Variants in ITGAV observed in about 807,000 individuals in gnomAD.
The protein encoded by ITGAV is integrin alpha-V.
Under a neutral mutation model 143.8 loss-of-function variants are expected in ITGAV, and 76 were observed. The ratio of observed to expected loss-of-function variants is 0.53; its 90% confidence interval spans 0.44 to 0.64. The LOEUF is 0.64. ITGAV is among the 30% of genes least tolerant of loss of function. The pLI is 0.00. For synonymous variants in ITGAV, 453 were observed against 446.7 expected (o/e 1.01, Z -0.18); for missense variants, 1,193 against 1,274.7 (o/e 0.94, Z 0.98).
At chr2:186,646,240 A>G (rs979856939) in intron 12 of ITGAV, among the ~76,000 whole-genome samples, 6 of 152,284 alleles carry the variant, frequency 3.9e-5, no homozygotes, top group Non-Finnish European at 7.4e-5. Context: ...AAAAAACAAT[A>G]CCATCCATAA....
At chr2:186,671,126 G>A (rs1689049826) in intron 26 of ITGAV, among the ~76,000 whole-genome samples, 1 of 152,132 alleles carries the variant, frequency 6.6e-6, no homozygotes, top group Non-Finnish European at 1.5e-5. Context: ...ACTATTGCCA[G>A]ACCCCTGGTT....
chr2:186,633,527 T>C (rs4667107), intron 6 of ITGAV, among the ~76,000 whole-genome samples, 153 bp downstream of exon 6: 29,436 of 150,512 alleles, frequency 0.2, 3,855 homozygotes, highest in East Asian at 0.53. Flanking sequence ...CAGTGTTTTT[T>C]AAAAGAATAT....
At chr2:186,658,967 T>C in intron 17 of ITGAV, 71 bp from the exon 18 acceptor site, 1 of 1,165,006 alleles carries the variant, frequency 8.6e-7, no homozygotes, top group Non-Finnish European at 1.2e-6. Flanking sequence ...GGCTTTGTAA[T>C]GTGCACTTAT....
At chr2:186,626,656 A>G (rs1687684146) in intron 4 of ITGAV, among the ~76,000 whole-genome samples, 1 of 152,228 alleles carries the variant, frequency 6.6e-6, no homozygotes, top group Non-Finnish European at 1.5e-5. Flanking sequence ...TTCAATAAAC[A>G]CTTATTTTCT....
intron 2 of ITGAV, among the ~76,000 whole-genome samples, chr2:186,620,870 T>G (rs2105683741): frequency 6.6e-6 from 1 of 152,340 alleles, no homozygotes; most frequent in Middle Eastern, 3.4e-3. Flanking sequence ...AGTGCCATAT[T>G]AAGGGAGAAA....
At chr2:186,655,281 T>C (rs1688550653) in intron 16 of ITGAV, among the ~76,000 whole-genome samples, 1 of 152,170 alleles carries the variant, frequency 6.6e-6, no homozygotes. Flanking sequence ...TAAGGAATAA[T>C]AGTAAAGCAG....
chr2:186,614,730 A>G (rs899402868), intron 2 of ITGAV, among the ~76,000 whole-genome samples: 8 of 151,638 alleles, frequency 5.3e-5, no homozygotes, highest in East Asian at 1.9e-4. Context: ...TTCTTGGTCT[A>G]TTACTCTTCT....
chr2:186,676,117 C>G, intron 28 of ITGAV, 190 bp downstream of exon 28: 1 of 493,488 alleles, frequency 2.0e-6, no homozygotes. Flanking sequence ...TAAAGCTAGA[C>G]CTTTTAGTTT....
chr2:186,679,260 T>C lies in ITGAV; in HGVS notation c.*1968T>C, dbSNP rs1008493397. 6.6e-6 allele frequency: 1 copy of C among 152,026 alleles called. No individual in the cohort carries two copies. The highest frequency in any genetic ancestry group is 2.4e-5 in the African/African-American group (1 of 41,456). 9.4% of individuals were successfully genotyped at this position (152,026 alleles called of 1,614,324 possible). ...GAAAGTCACTCTTTGGCAAAAGTGT[T>C]AGAATTTGCTTTTGTGCCATCTATT... On this transcript the variant is annotated 3_prime_UTR_variant, in exon 30 of 30. Coordinates refer to ENST00000261023, the MANE Select transcript of ITGAV (RefSeq NM_002210.5).
intron 13 of ITGAV, among the ~76,000 whole-genome samples, chr2:186,647,078 C>G (rs1470225315): frequency 6.6e-6 from 1 of 152,140 alleles, no homozygotes; most frequent in Non-Finnish European, 1.5e-5. Context: ...TGGGAGTGTA[C>G]AGTGTACTCT....
At chr2:186,594,564 C>T (rs558921356) in intron 1 of ITGAV, among the ~76,000 whole-genome samples, 9 of 152,196 alleles carry the variant, frequency 5.9e-5, no homozygotes, top group Non-Finnish European at 1.2e-4. Flanking sequence ...ACGTGCAGAA[C>T]ATCTTGTCTG....
chr2:186,672,929 A>G (rs1479126085), intron 26 of ITGAV, among the ~76,000 whole-genome samples: 3 of 152,118 alleles, frequency 2.0e-5, no homozygotes, highest in South Asian at 2.1e-4. Context: ...CTGAAGTTCA[A>G]TTTATCTATG....
Position 186,678,708 on chromosome 2 carries a change from G to A in ITGAV, c.*1416G>A, listed in dbSNP as rs199562327. The stretch of plus-strand genomic sequence containing the variant: ...TTATTCACAGTTCCTCAAGGCCTGG[G>A]GATGATGATCAGTTATACCTATTTT... On this transcript the variant is annotated 3_prime_UTR_variant, in exon 30 of 30. Coordinates refer to ENST00000261023, the MANE Select transcript of ITGAV (RefSeq NM_002210.5). 1 of 455,476 alleles carries A rather than the reference G, an allele frequency of 2.2e-6. No individual in the cohort carries two copies. Among genetic ancestry groups the A allele is most frequent in the Non-Finnish European group, 4.4e-6 (1 of 226,250 alleles). 28.2% of individuals were successfully genotyped at this position (455,476 alleles called of 1,614,324 possible).
Position 186,622,330 on chromosome 2 carries a change from CTTT to C in ITGAV, c.317-5_317-3del. ...TTTGTGTCTTACCACTCACAATATT[CTTT>C]TTTAGGCAATAGAGATTATGCCAAG... On this transcript the variant is annotated splice_polypyrimidine_tract_variant and splice_region_variant and intron_variant, in intron 2 of 29. Coordinates refer to ENST00000261023, the MANE Select transcript of ITGAV (RefSeq NM_002210.5). The C allele has an allele frequency of 1.9e-6, 3 of 1,591,670 alleles. No individual in the cohort carries two copies. Among genetic ancestry groups the C allele is most frequent in the Non-Finnish European group, 2.6e-6 (3 of 1,160,418 alleles).
intron 2 of ITGAV, among the ~76,000 whole-genome samples, chr2:186,607,950 A>C (rs926977842): frequency 1.2e-3 from 186 of 152,260 alleles, no homozygotes; most frequent in South Asian, 4.1e-4. Context: ...CAAAACTGGC[A>C]TGTGTTTTGT....
intron 12 of ITGAV, among the ~76,000 whole-genome samples, chr2:186,645,604 A>G (rs953370871): frequency 6.6e-6 from 1 of 152,192 alleles, no homozygotes; most frequent in Non-Finnish European, 1.5e-5. Flanking sequence ...TGGGTGTGAC[A>G]TGATATGGTG....
At chr2:186,651,075 A>T (rs576839423) in intron 14 of ITGAV, among the ~76,000 whole-genome samples, 1 of 152,304 alleles carries the variant, frequency 6.6e-6, no homozygotes, top group African/African-American at 2.4e-5. Context: ...TTTCTTATAT[A>T]TCCCCAGTTA....
At chr2:186,625,685 G>GAA in intron 4 of ITGAV, 98 bp downstream of exon 4, 1 of 606,598 alleles carries the variant, frequency 1.6e-6, no homozygotes, top group South Asian at 2.4e-5. Flanking sequence ...GTGTGAGAGA[G>GAA]AGAGATATTA....
chr2:186,646,135 A>G (rs1465098215), intron 12 of ITGAV, among the ~76,000 whole-genome samples: 1 of 152,208 alleles, frequency 6.6e-6, no homozygotes, highest in Non-Finnish European at 1.5e-5. Context: ...TAAAGATTTA[A>G]AATGTTATTC....
Sources: gnomAD v4.1 joint callset for allele counts (sites outside exome capture counted in the v4.1 genomes callset) on GRCh38, gnomAD v4.1.1 for gene constraint, MANE v1.5 for transcripts, NCBI Gene and HGNC (gene_info 2026-07-23, HGNC 2026-07-21) for gene names.